DCAF1: variants seen among roughly 807,000 people sequenced by gnomAD.
DCAF1 encodes the protein DDB1 and CUL4 associated factor 1, also known as DDB1- and CUL4-associated factor 1.
In DCAF1, 15 loss-of-function variants were observed where a neutral mutation model predicts 128.0. The observed-to-expected ratio is 0.12, with a 90% CI of 0.08 to 0.18. The LOEUF is 0.18. Among genes scored for constraint, DCAF1 ranks in the 10% least tolerant of loss-of-function variants. The pLI, the probability that DCAF1 is intolerant of heterozygous loss-of-function variation, is 1.00. For missense variants in DCAF1, 988 were observed against 1,649.5 expected (o/e 0.60, Z 6.95); for synonymous variants, 610 against 603.0 (o/e 1.01, Z -0.17).
At chr3:51,461,995 T>C (rs1553644698) in intron 6 of DCAF1, among the ~76,000 whole-genome samples, 1 of 151,562 alleles carries the variant, frequency 6.6e-6, no homozygotes, top group African/African-American at 2.4e-5. Flanking sequence ...CACACCAACA[T>C]GGCACATGTA....
intron 6 of DCAF1, among the ~76,000 whole-genome samples, chr3:51,453,222 T>A (rs1702534288): frequency 6.6e-6 from 1 of 152,188 alleles, no homozygotes; most frequent in South Asian, 2.1e-4. Flanking sequence ...ACAACGTTAT[T>A]CTCTAAAATA....
chr3:51,503,777 G>T (rs998672202), upstream of DCAF1, among the ~76,000 whole-genome samples: 1 of 152,118 alleles, frequency 6.6e-6, no homozygotes, highest in Non-Finnish European at 1.5e-5. Flanking sequence ...TTCCCAAAGG[G>T]TGTGTAATTA....
chr3:51,496,902 G>C (rs1553661169), intron 1 of DCAF1, among the ~76,000 whole-genome samples, 122 bp from the exon 2 acceptor site: 1 of 152,010 alleles, frequency 6.6e-6, no homozygotes, highest in African/African-American at 2.4e-5. Flanking sequence ...CATCTGCTAG[G>C]GTATTTAGGG....
At chr3:51,463,261 A>C (rs1703800338) in intron 5 of DCAF1, 34 bp from the exon 6 acceptor site, 1 of 1,414,862 alleles carries the variant, frequency 7.1e-7, no homozygotes, top group African/African-American at 1.5e-5. Flanking sequence ...TGTTCATCTA[A>C]AATTCAACCC....
In DCAF1 at chr3:51,441,847, A is replaced by C; in HGVS notation, c.564T>G (p.Ala188=). 1 of 1,612,904 alleles carries C rather than the reference A, an allele frequency of 6.2e-7. No homozygotes were observed. The highest frequency in any genetic ancestry group is 8.5e-7 in the Non-Finnish European group (1 of 1,179,862). ...TGGGACGCTTGTTTTCCTGCCGCAA[A>C]GCCACTTCCTGTAGCTGTAGCTCCC... is the stretch of plus-strand genomic sequence containing the variant. ...RLRELQLQEV[A]LRQENKRPSP... is the part of the protein sequence containing the mutation. The change falls in exon 8 of 25, where the codon GCT becomes GCG. Residue 188 remains alanine (A), a synonymous_variant. Transcript: ENST00000684031.
At chr3:51,439,285 C>T (rs1196952013) in intron 9 of DCAF1, among the ~76,000 whole-genome samples, 1 of 150,584 alleles carries the variant, frequency 6.6e-6, no homozygotes, top group African/African-American at 2.4e-5. Context: ...CAAGATACCA[C>T]GCCAGGCTAA....
chr3:51,398,920 C>G, intron 24 of DCAF1, 93 bp from the exon 25 acceptor site: 1 of 1,470,838 alleles, frequency 6.8e-7, no homozygotes, highest in Non-Finnish European at 9.2e-7. Flanking sequence ...CATTCATGCC[C>G]GAGCAAGGTT....
At chr3:51,429,527 A>G in intron 11 of DCAF1, 57 bp from the exon 12 acceptor site, 1 of 753,696 alleles carries the variant, frequency 1.3e-6, no homozygotes. Flanking sequence ...AGAGTTAAGT[A>G]AAAATATTTA....
At chr3:51,442,776 T>TAGATAAAAGGAAGGGCACTTGGAAGC (rs1228689352) in intron 7 of DCAF1, among the ~76,000 whole-genome samples, 17 of 152,038 alleles carry the variant, frequency 1.1e-4, no homozygotes, top group Admixed American at 1.1e-3. Context: ...GAATAGTGGA[T>TAGATAAAAGGAAGGGCACTTGGAAGC]AGATAAAAGG....
chr3:51,500,493 G>A (rs1349790414), upstream of DCAF1, among the ~76,000 whole-genome samples: 3 of 152,278 alleles, frequency 2.0e-5, no homozygotes, highest in East Asian at 5.8e-4. Context: ...AAACATATCA[G>A]AAATCACAGC....
At chr3:51,426,841 CT>C (rs1339430859) in intron 13 of DCAF1, among the ~76,000 whole-genome samples, 1 of 152,068 alleles carries the variant, frequency 6.6e-6, no homozygotes, top group African/African-American at 2.4e-5. Flanking sequence ...AGTTTTATTT[CT>C]TTTTATATCA....
In DCAF1 at chr3:51,419,613, C is replaced by A. The variant is rs1553631660; in HGVS notation, c.3236+121G>T. ...CAAAAGGTGGTACAATTACATTGTTCAAGTATTACACAAAGTAACAATCAG... is the reference window on the plus strand; with the variant it reads ...CAAAAGGTGGTACAATTACATTGTTAAAGTATTACACAAAGTAACAATCAG... On this transcript the variant is annotated intron_variant, in intron 15 of 24. Transcript: ENST00000684031. 6 of 1,454,038 alleles carry A rather than the reference C, an allele frequency of 4.1e-6. No homozygotes were observed. In the East Asian group the frequency reaches 1.4e-4, roughly 34 times the overall value. The allele number at this position is 1,454,038 out of a possible 1,614,324, so 90.1% of individuals were successfully genotyped here.
chr3:51,427,257 C>A, intron 13 of DCAF1, 115 bp downstream of exon 13: 1 of 564,540 alleles, frequency 1.8e-6, no homozygotes, highest in South Asian at 2.6e-5. Context: ...GATTCAAGTC[C>A]AAAATTTCAA....
chr3:51,461,625 C>T (rs1196503406), intron 6 of DCAF1, among the ~76,000 whole-genome samples: 1 of 152,072 alleles, frequency 6.6e-6, no homozygotes, highest in South Asian at 2.1e-4. Context: ...ATGTTTATTG[C>T]GGCACTATTC....
At chr3:51,503,470 A>G (rs1166340317), upstream of DCAF1, among the ~76,000 whole-genome samples, 1 of 151,630 alleles carries the variant, frequency 6.6e-6, no homozygotes, top group Non-Finnish European at 1.5e-5. Context: ...GCCCATCCTC[A>G]CCCTGGTGCC....
intron 3 of DCAF1, among the ~76,000 whole-genome samples, chr3:51,483,062 C>A (rs954258094): frequency 6.6e-6 from 1 of 151,070 alleles, no homozygotes; most frequent in Non-Finnish European, 1.5e-5. Flanking sequence ...TTGCTTGAAC[C>A]CAGGAGGCGG....
rs75275339 is a variant in DCAF1, at chr3:51,485,590, C to T, written c.-8-1754G>A. 2.0e-5 allele frequency among the ~76,000 whole-genome samples: 3 copies of T among 152,334 alleles called. No individual in the cohort carries two copies. In the East Asian group the frequency reaches 5.8e-4, roughly 29 times the overall value. ...ATATTCTGCCACGCAAAATGCGTAT[C>T]TTCTCAGAAACAGCAACCATTCCAT... On this transcript the variant is annotated intron_variant, in intron 2 of 24. Transcript: ENST00000684031.
At chr3:51,474,614 T>C (rs1316378665) in intron 3 of DCAF1, among the ~76,000 whole-genome samples, 1 of 151,780 alleles carries the variant, frequency 6.6e-6, no homozygotes, top group Non-Finnish European at 1.5e-5. Flanking sequence ...TGGTTTTTTT[T>C]TTTTTAATGT....
At chr3:51,435,218 C>T (rs1700701551) in intron 9 of DCAF1, among the ~76,000 whole-genome samples, 1 of 152,180 alleles carries the variant, frequency 6.6e-6, no homozygotes, top group South Asian at 2.1e-4. Flanking sequence ...ACACAAAAAC[C>T]TTTAAAAATA....
Sources: gnomAD v4.1 joint callset for allele counts (sites outside exome capture counted in the v4.1 genomes callset) on GRCh38, gnomAD v4.1.1 for gene constraint, MANE v1.5 for transcripts, NCBI Gene and HGNC (gene_info 2026-07-23, HGNC 2026-07-21) for gene names.